Variants in NAB1 observed in about 807,000 individuals in gnomAD.
The protein encoded by NAB1 is NGFI-A binding protein 1, also known as NGFI-A-binding protein 1.
NAB1 carries 25 observed loss-of-function variants against 49.9 expected under a neutral mutation model. That is an observed-to-expected ratio of 0.50 (90% CI 0.37 to 0.70). The LOEUF is 0.70. Ranked by LOEUF, NAB1 falls within the 30% of genes least tolerant of loss-of-function variation. NAB1 has a pLI of 0.00. For missense variants in NAB1, 489 were observed against 575.9 expected, an observed-to-expected ratio of 0.85 and a Z score of 1.54; for synonymous variants, 198 against 215.6, an observed-to-expected ratio of 0.92 and a Z score of 0.71.
chr2:190,679,417 T>A lies in NAB1; in HGVS notation c.1006-4321T>A, dbSNP rs938008249. Among the ~76,000 whole-genome samples the A allele has an allele frequency of 2.0e-5, 3 of 152,234 alleles. No individual in the cohort carries two copies. Among genetic ancestry groups the A allele is most frequent in the African/African-American group, 4.8e-5 (2 of 41,456 alleles). On this transcript the variant is annotated intron_variant, in intron 6 of 9. Coordinates refer to ENST00000337386, the MANE Select transcript of NAB1 (RefSeq NM_005966.4). This position sits in a 1 kb window ranked among gnomAD's most constrained non-coding sequence, Gnocchi z 5.3. Reference sequence around the variant, plus strand: ...ACTTTGGATAATTGTTATTTATTACTTATTTTAGGCTTTTATTTATCTTTA... The same window carrying A: ...ACTTTGGATAATTGTTATTTATTACATATTTTAGGCTTTTATTTATCTTTA...
In NAB1 at chr2:190,676,112, G is replaced by A. The variant is rs1431808777; in HGVS notation, c.1005+2960G>A. ...CTTCTGGGGAGAGGGAGAATTTCTGGTATGAGAAGAGATCAGGGGAGACTA... is the reference window on the plus strand; with the variant it reads ...CTTCTGGGGAGAGGGAGAATTTCTGATATGAGAAGAGATCAGGGGAGACTA... On this transcript the variant is annotated intron_variant, in intron 6 of 9. Coordinates refer to ENST00000337386, the MANE Select transcript of NAB1 (RefSeq NM_005966.4). The surrounding 1 kb of genome is among the most constrained non-coding windows in gnomAD (Gnocchi z 4.6). Among the ~76,000 whole-genome samples the A allele has an allele frequency of 6.6e-6, 1 of 152,084 alleles. No homozygotes were observed. The highest frequency in any genetic ancestry group is 2.4e-5 in the African/African-American group (1 of 41,408).
chr2:190,690,264 A>G lies in NAB1; in HGVS notation c.1395A>G (p.Lys465=). The change falls in exon 10 of 10, where the codon AAA becomes AAG. Residue 465 remains lysine, a synonymous_variant. Coordinates refer to ENST00000337386, the MANE Select transcript of NAB1 (RefSeq NM_005966.4). ...SHSSESLGIL[K]DYPHSAFTLE... is the part of the protein sequence containing the mutation. ...ATGTAGAGAGCCTTGGGATTTTAAAAGACTACCCTCATTCAGCTTTTACCT... is the reference window on the plus strand; with the variant it reads ...ATGTAGAGAGCCTTGGGATTTTAAAGGACTACCCTCATTCAGCTTTTACCT... The G allele has an allele frequency of 3.1e-6, 5 of 1,612,014 alleles. No homozygotes were observed. The highest frequency in any genetic ancestry group is 4.2e-6 in the Non-Finnish European group (5 of 1,178,416).
Sources: allele counts gnomAD v4.1 joint callset (sites outside exome capture counted in the v4.1 genomes callset), GRCh38; gene constraint gnomAD v4.1.1; non-coding constraint Gnocchi (gnomAD v3.1); transcripts MANE v1.5; gene names NCBI Gene and HGNC (gene_info 2026-07-23, HGNC 2026-07-21).